AK8: variants seen among roughly 807,000 people sequenced by gnomAD.
AK8 encodes ATP-AMP transphosphorylase 8.
In AK8, 44 loss-of-function variants were observed where a neutral mutation model predicts 54.6. That is an observed-to-expected ratio of 0.81 (90% CI 0.63 to 1.04). The LOEUF (loss-of-function observed/expected upper bound fraction) is 1.04, where lower values mean the gene tolerates loss of function less well. AK8 is among the 50% of genes least tolerant of loss of function. The pLI is 0.00. For missense variants in AK8, 555 were observed against 613.6 expected (o/e 0.90, Z 1.01); for synonymous variants, 239 against 245.6 (o/e 0.97, Z 0.25).
At chr9:132,793,163 C>T (rs1185775064) in intron 10 of AK8, among the ~76,000 whole-genome samples, 2 of 152,148 alleles carry the variant, frequency 1.3e-5, no homozygotes, top group Non-Finnish European at 2.9e-5. Flanking sequence ...CTGGAAAGGG[C>T]CTATTTTCTG....
At chr9:132,735,108 T>C (rs1189950215) in intron 11 of AK8, among the ~76,000 whole-genome samples, 2 of 152,146 alleles carry the variant, frequency 1.3e-5, no homozygotes, top group Admixed American at 6.5e-5. Flanking sequence ...CCTGATTCAA[T>C]CTACTTAGTC....
At chr9:132,828,296 A>G (rs142043059) in intron 6 of AK8, among the ~76,000 whole-genome samples, 241 of 152,374 alleles carry the variant, frequency 1.6e-3, no homozygotes, top group Non-Finnish European at 2.9e-3. Context: ...AGCACGGCCC[A>G]TGACGGAAAG....
At chr9:132,793,057 G>A (rs1346298229) in intron 10 of AK8, among the ~76,000 whole-genome samples, 1 of 109,638 alleles carries the variant, frequency 9.1e-6, no homozygotes, top group African/African-American at 2.5e-5. Context: ...TGAGATGTGA[G>A]CAGATTGTCC....
chr9:132,775,744 A>G (rs1839186739), intron 11 of AK8, among the ~76,000 whole-genome samples: 1 of 152,180 alleles, frequency 6.6e-6, no homozygotes, highest in South Asian at 2.1e-4. Flanking sequence ...GGCTCCCTGG[A>G]AGCTTCTTCC....
At chr9:132,825,394 T>C (rs1213862138) in intron 8 of AK8, among the ~76,000 whole-genome samples, 2 of 152,206 alleles carry the variant, frequency 1.3e-5, no homozygotes, top group African/African-American at 4.8e-5. Context: ...AACGATCATA[T>C]GAACTTTTAA....
chr9:132,772,537 TGA>T (rs1427665413), intron 11 of AK8, among the ~76,000 whole-genome samples: 2 of 152,210 alleles, frequency 1.3e-5, no homozygotes, highest in African/African-American at 2.4e-5. Flanking sequence ...GCTGGCACCT[TGA>T]TCTTGGGCTT....
intron 10 of AK8, among the ~76,000 whole-genome samples, chr9:132,798,860 C>T (rs1840306471): frequency 6.6e-6 from 1 of 152,112 alleles, no homozygotes. Flanking sequence ...TCCCAGGCCT[C>T]CACTCCCCAC....
chr9:132,823,258 C>T lies in AK8; in HGVS notation c.836G>A (p.Ser279Asn). 3.1e-6 allele frequency: 5 copies of T among 1,607,338 alleles called. No individual in the cohort carries two copies. Among genetic ancestry groups the T allele is most frequent in the Non-Finnish European group, 4.2e-6 (5 of 1,177,428 alleles). The change falls in exon 9 of 13, where the codon AGT (serine) becomes AAT (asparagine). Residue 279 changes from serine (S) to asparagine (N), a missense_variant. Physicochemically the swap from Ser to Asn is conservative, Grantham distance 46 (BLOSUM62 1). Transcript: ENST00000298545. ...PRVLLLGPVG[S>N]GKSLQAALLA... ...GAGGGCGGCCTGCAGACTTTTCCCA[C>T]TGCCCACAGGCCCGAGCAGCAGCAC...
intron 11 of AK8, among the ~76,000 whole-genome samples, chr9:132,740,896 G>C (rs1837350536): frequency 6.6e-6 from 1 of 152,182 alleles, no homozygotes; most frequent in African/African-American, 2.4e-5. Flanking sequence ...ACCAATCCTA[G>C]TGTCCAGAAG....
At chr9:132,825,029 G>T in intron 8 of AK8, among the ~76,000 whole-genome samples, 1 of 152,196 alleles carries the variant, frequency 6.6e-6, no homozygotes, top group Non-Finnish European at 1.5e-5. Flanking sequence ...TCCACTGAGA[G>T]AAGCCCAAAG....
At chr9:132,839,827 G>GGGGC (rs1554801281) in intron 5 of AK8, among the ~76,000 whole-genome samples, 2 of 147,484 alleles carry the variant, frequency 1.4e-5, no homozygotes, top group African/African-American at 5.1e-5. Flanking sequence ...TGCCGGGGGG[G>GGGGC]GGGGCGCAGG....
intron 11 of AK8, among the ~76,000 whole-genome samples, chr9:132,744,010 C>A (rs1469466233): frequency 6.6e-6 from 1 of 152,196 alleles, no homozygotes; most frequent in African/African-American, 2.4e-5. Context: ...AGTGAACCTG[C>A]CGGAACTCAA....
chr9:132,821,785 A>G (rs578089768), intron 9 of AK8, among the ~76,000 whole-genome samples: 1 of 138,658 alleles, frequency 7.2e-6, no homozygotes, highest in African/African-American at 2.6e-5. Context: ...GTGTATGTAT[A>G]TACAAATATA....
intron 9 of AK8, among the ~76,000 whole-genome samples, chr9:132,820,322 T>C (rs1368747206): frequency 6.6e-6 from 1 of 152,162 alleles, no homozygotes; most frequent in Non-Finnish European, 1.5e-5. Context: ...ACATGCTTTT[T>C]TGAACAAAAA....
chr9:132,744,153 CCTCA>C (rs1160100697), intron 11 of AK8, among the ~76,000 whole-genome samples: 7 of 152,148 alleles, frequency 4.6e-5, no homozygotes, highest in Non-Finnish European at 1.0e-4. Context: ...CTCCAGTGTG[CCTCA>C]CTAAGGACAC....
chr9:132,806,184 C>A (rs770783153), intron 10 of AK8, among the ~76,000 whole-genome samples: 1 of 151,824 alleles, frequency 6.6e-6, no homozygotes, highest in South Asian at 2.1e-4. Flanking sequence ...AGTTGCACTG[C>A]GGGGCCCCTA....
intron 5 of AK8, among the ~76,000 whole-genome samples, chr9:132,833,784 G>T (rs957171607): frequency 9.8e-5 from 15 of 152,386 alleles, no homozygotes; most frequent in African/African-American, 3.4e-4. Flanking sequence ...AGCAGAGCAC[G>T]GCCTGATGCG....
intron 5 of AK8, 117 bp from the exon 6 acceptor site, chr9:132,828,843 T>C (rs1841989093): frequency 1.4e-6 from 1 of 693,468 alleles, no homozygotes; most frequent in Non-Finnish European, 2.2e-6. Context: ...ACAAAAAAAA[T>C]GTTTCTGATA....
At chr9:132,794,631 T>C (rs1055425158) in intron 10 of AK8, among the ~76,000 whole-genome samples, 1 of 152,260 alleles carries the variant, frequency 6.6e-6, no homozygotes, top group Non-Finnish European at 1.5e-5. Context: ...CAAAGAACCA[T>C]GTCTCTCCCA....
Sources: allele counts gnomAD v4.1 joint callset (sites outside exome capture counted in the v4.1 genomes callset), GRCh38; gene constraint gnomAD v4.1.1; transcripts MANE v1.5; gene names NCBI Gene and HGNC (gene_info 2026-07-23, HGNC 2026-07-21).